Variants in SCIN observed in about 807,000 individuals in gnomAD.
SCIN encodes the protein scinderin, also known as adseverin.
A neutral mutation model predicts 91.8 loss-of-function variants in SCIN; 91 were observed. The observed-to-expected ratio is 0.99, with a 90% CI of 0.84 to 1.18. SCIN has a LOEUF of 1.18. Among genes scored for constraint, SCIN ranks in the 50% most tolerant of loss-of-function variants. The probability of loss-of-function intolerance (pLI) is 0.00; values close to 1 mark genes in which losing one functional copy is unlikely to be tolerated. For missense variants in SCIN, 1,087 were observed against 863.9 expected, an observed-to-expected ratio of 1.26 and a Z score of -3.24; for synonymous variants, 367 against 312.6, an observed-to-expected ratio of 1.17 and a Z score of -1.84.
In SCIN at chr7:12,652,840, A is replaced by C; in HGVS notation, c.*125A>C. 2.5e-6 allele frequency: 3 copies of C among 1,185,800 alleles called. No individual in the cohort carries two copies. Among genetic ancestry groups the C allele is most frequent in the Non-Finnish European group, 3.5e-6 (3 of 847,944 alleles). The allele number at this position is 1,185,800 out of a possible 1,614,324, so 73.5% of individuals were successfully genotyped here. A position where few individuals can be genotyped will look rare whatever the true frequency, so the allele number is the denominator to read the frequency against. On this transcript the variant is annotated 3_prime_UTR_variant, in exon 16 of 16. Transcript: ENST00000297029. Reference sequence around the variant, plus strand: ...AAATTAAGGCTGGGCGCGGTGGCTCACACCTGTAATCCCAGCACTTTGAGA... The same window carrying C: ...AAATTAAGGCTGGGCGCGGTGGCTCCCACCTGTAATCCCAGCACTTTGAGA...
chr7:12,609,009 T>G (rs562801537), intron 4 of SCIN, among the ~76,000 whole-genome samples: 1 of 152,334 alleles, frequency 6.6e-6, no homozygotes, highest in South Asian at 2.1e-4. Flanking sequence ...GAGAGTCTTT[T>G]GAAAAATTTA....
At chr7:12,588,366 G>A (rs531963878) in intron 3 of SCIN, among the ~76,000 whole-genome samples, 1 of 152,294 alleles carries the variant, frequency 6.6e-6, no homozygotes, top group East Asian at 1.9e-4. Context: ...ACAAGTAAGA[G>A]GATGACAAGG....
intron 10 of SCIN, 42 bp downstream of exon 10, chr7:12,636,177 C>G (rs1783748672): frequency 6.8e-7 from 1 of 1,462,782 alleles, no homozygotes; most frequent in South Asian, 1.2e-5. Context: ...AAGTTAAAGT[C>G]TTGCTAGCTC....
chr7:12,590,650 G>A (rs1415128434), intron 3 of SCIN, among the ~76,000 whole-genome samples: 8 of 152,008 alleles, frequency 5.3e-5, no homozygotes, highest in African/African-American at 1.9e-4. Context: ...GAAGGAGAGG[G>A]GCAGAGGCAG....
At chr7:12,599,897 T>C (rs557231863) in intron 3 of SCIN, among the ~76,000 whole-genome samples, 28 of 152,322 alleles carry the variant, frequency 1.8e-4, no homozygotes, top group African/African-American at 6.5e-4. Flanking sequence ...GAGTTCTTTG[T>C]AGATTCTTGA....
At chr7:12,571,544 G>T (rs777647255) in intron 1 of SCIN, 12 of 452,484 alleles carry the variant, frequency 2.7e-5, no homozygotes, top group South Asian at 1.8e-4. Flanking sequence ...CTTTAAAACA[G>T]GATTCTACCC....
intron 11 of SCIN, among the ~76,000 whole-genome samples, chr7:12,641,162 G>A (rs977890507): frequency 1.3e-5 from 2 of 152,140 alleles, no homozygotes; most frequent in Admixed American, 6.5e-5. Context: ...GGCATGCTCT[G>A]CATATCAAGC....
intron 11 of SCIN, among the ~76,000 whole-genome samples, chr7:12,640,926 C>T (rs1783845405): frequency 6.6e-6 from 1 of 152,146 alleles, no homozygotes; most frequent in Non-Finnish European, 1.5e-5. Context: ...AGGCATGTCC[C>T]ACCACACTGG....
intron 3 of SCIN, among the ~76,000 whole-genome samples, chr7:12,590,591 A>G (rs981250423): frequency 6.6e-6 from 1 of 151,266 alleles, no homozygotes; most frequent in African/African-American, 2.4e-5. Context: ...GCTGTATAGC[A>G]AAGCTTTCTC....
chr7:12,571,331 C>G (rs553804676), intron 1 of SCIN: 8 of 370,094 alleles, frequency 2.2e-5, no homozygotes, highest in South Asian at 1.9e-4. Context: ...CAGCGCACAC[C>G]GTCTCTGGCC....
chr7:12,626,145 C>A, intron 7 of SCIN: 1 of 347,084 alleles, frequency 2.9e-6, no homozygotes, highest in Non-Finnish European at 5.2e-6. Context: ...AGTTATTATT[C>A]CTTAGAGCAA....
chr7:12,630,676 A>C (rs10266676), intron 9 of SCIN, among the ~76,000 whole-genome samples: 13,895 of 152,292 alleles, frequency 0.091, 2,125 homozygotes, highest in African/African-American at 0.32. Context: ...TTGCACTGGC[A>C]AAGTGCCAGA....
At chr7:12,632,968 A>G (rs1013382591) in intron 9 of SCIN, among the ~76,000 whole-genome samples, 2 of 152,182 alleles carry the variant, frequency 1.3e-5, no homozygotes, top group East Asian at 3.8e-4. Flanking sequence ...ATTTGAAATC[A>G]TGGATGTGAA....
chr7:12,638,998 G>A (rs546716891), intron 10 of SCIN, among the ~76,000 whole-genome samples: 3 of 151,946 alleles, frequency 2.0e-5, no homozygotes, highest in African/African-American at 4.8e-5. Context: ...ATTGTTAGCC[G>A]GTTGAATCCT....
At position 12,578,123 on chromosome 7, in the gene SCIN, G is replaced by A. The variant is rs1417027852; in HGVS notation, c.259G>A (p.Asp87Asn). 1 of 1,550,946 alleles carries A rather than the reference G, an allele frequency of 6.4e-7. No homozygotes were observed. The highest frequency in any genetic ancestry group is 8.7e-7 in the Non-Finnish European group (1 of 1,146,542). The change falls in exon 2 of 16, where the codon GAC becomes AAC. Residue 87 changes from aspartate (D) to asparagine (N), a missense_variant. Coordinates refer to ENST00000297029, the MANE Select transcript of SCIN (RefSeq NM_001112706.3). ...TGCCATCTTCACTGTTCAGATGGAT[G>A]ACTATTTGGGTGGCAAGCCAGTGCA... ...AAAIFTVQMD[D>N]YLGGKPVQNR...
intron 3 of SCIN, among the ~76,000 whole-genome samples, chr7:12,596,104 G>A (rs1782835343): frequency 6.6e-6 from 1 of 152,310 alleles, no homozygotes. Context: ...GTCAAGCGCG[G>A]TGTTTACTTT....
At chr7:12,613,690 G>GC (rs1250050552) in intron 4 of SCIN, among the ~76,000 whole-genome samples, 3 of 152,072 alleles carry the variant, frequency 2.0e-5, no homozygotes, top group African/African-American at 4.8e-5. Context: ...TGTTATGTTT[G>GC]CAGGGGTATC....
chr7:12,608,328 C>CACACAG (rs1583296253), intron 4 of SCIN, among the ~76,000 whole-genome samples: 1 of 151,058 alleles, frequency 6.6e-6, no homozygotes, highest in African/African-American at 2.5e-5. Flanking sequence ...CATGCACACA[C>CACACAG]ACACACACAC....
At chr7:12,600,651 C>T (rs951918168) in intron 3 of SCIN, among the ~76,000 whole-genome samples, 1 of 152,090 alleles carries the variant, frequency 6.6e-6, no homozygotes, top group Non-Finnish European at 1.5e-5. Flanking sequence ...TACTGAGTTG[C>T]ACTGGATAAT....
Sources: allele counts gnomAD v4.1 joint callset (sites outside exome capture counted in the v4.1 genomes callset), GRCh38; gene constraint gnomAD v4.1.1; transcripts MANE v1.5; gene names NCBI Gene and HGNC (gene_info 2026-07-23, HGNC 2026-07-21).